The following SHQ1 variants were observed in gnomAD, a reference collection of about 807,000 sequenced individuals.
SHQ1 encodes the protein SHQ1, H/ACA ribonucleoprotein assembly factor.
SHQ1 carries 49 observed loss-of-function variants against 53.8 expected under a neutral mutation model. That is an observed-to-expected ratio of 0.91 (90% CI 0.72 to 1.16). SHQ1 has a LOEUF of 1.16. Among genes scored for constraint, SHQ1 ranks in the 50% most tolerant of loss-of-function variants. The pLI is 0.00. For missense variants in SHQ1, 738 were observed against 683.1 expected (o/e 1.08, Z -0.90); for synonymous variants, 243 against 251.0 (o/e 0.97, Z 0.30).
At chr3:72,845,468 G>A (rs1164807136) in intron 1 of SHQ1, among the ~76,000 whole-genome samples, 1 of 150,910 alleles carries the variant, frequency 6.6e-6, no homozygotes, top group Non-Finnish European at 1.5e-5. Flanking sequence ...CTGGGCAACA[G>A]AGTGAGATTC....
In SHQ1 at chr3:72,750,845, C is replaced by T. The variant is rs190897909; in HGVS notation, c.1182-9G>A. 1.7e-4 allele frequency: 248 copies of T among 1,496,418 alleles called. No homozygotes were observed. The African/African-American group carries it at 3.2e-3, about 20-fold the overall frequency. The allele number at this position is 1,496,418 out of a possible 1,614,324, so 92.7% of individuals were successfully genotyped here. A position where few individuals can be genotyped will look rare whatever the true frequency, so the allele number is the denominator to read the frequency against. The stretch of plus-strand genomic sequence containing the variant: ...CTGCCAACTTTTTGGATCTTGAAAA[C>T]ATTTTAAAAAGAAAGATTAGAATTA... On this transcript the variant is annotated splice_polypyrimidine_tract_variant and intron_variant, in intron 10 of 10. Coordinates refer to ENST00000325599, the MANE Select transcript of SHQ1 (RefSeq NM_018130.3).
rs372802136 is a variant in SHQ1 at position 72,767,885 on chromosome 3, C to T, written c.1182-17049G>A. Among the ~76,000 whole-genome samples, 13 of 152,266 alleles carry T rather than the reference C, an allele frequency of 8.5e-5. No homozygotes were observed. The East Asian group carries it at 2.3e-3, about 27-fold the overall frequency. On this transcript the variant is annotated intron_variant, in intron 10 of 10. Transcript: ENST00000325599. ...TCCTACAAGAACTGGATGCAAAAGC[C>T]TAATTATGGTTTGATTCAAACGATG...
intron 8 of SHQ1, chr3:72,814,415 G>A (rs114609039): frequency 6.6e-6 from 1 of 152,240 alleles, no homozygotes; most frequent in Non-Finnish European, 1.5e-5. Flanking sequence ...CTGATTCAGT[G>A]AGTGTGAGGT....
rs187880126 is a variant in SHQ1, at chr3:72,835,384, C to G, written c.487-2903G>C. Among the ~76,000 whole-genome samples, 68 of 151,672 alleles carry G rather than the reference C, an allele frequency of 4.5e-4. No homozygotes were observed. The East Asian group carries it at 0.01, about 23-fold the overall frequency. On this transcript the variant is annotated intron_variant, in intron 4 of 10. Coordinates refer to ENST00000325599, the MANE Select transcript of SHQ1 (RefSeq NM_018130.3). ...TGTCTCCCTCTTCCACTGCTGCTCC[C>G]TGTTACTCACTGGCAAACTTCCTAC... is the stretch of plus-strand genomic sequence containing the variant.
intron 6 of SHQ1, among the ~76,000 whole-genome samples, chr3:72,821,029 A>G (rs1166652584): frequency 6.6e-6 from 1 of 152,154 alleles, no homozygotes; most frequent in Admixed American, 6.5e-5. Context: ...CTGGGTCAAC[A>G]ATTAAATCAC....
At chr3:72,732,727 T>C in the SHQ1 span, among the ~76,000 whole-genome samples, 3 of 151,514 alleles carry the variant, frequency 2.0e-5, no homozygotes, top group Non-Finnish European at 2.9e-5. Context: ...CACTACATGA[T>C]GATAGACATA....
At chr3:72,788,679 CTG>C (rs1706334812) in intron 10 of SHQ1, among the ~76,000 whole-genome samples, 1 of 152,184 alleles carries the variant, frequency 6.6e-6, no homozygotes, top group Non-Finnish European at 1.5e-5. Flanking sequence ...CAGATTGTTA[CTG>C]TGTCTGTGTA....
At position 72,848,429 on chromosome 3, in the gene SHQ1, A is replaced by T. The variant is rs903321880; in HGVS notation, c.-89T>A. 3.2e-6 allele frequency: 5 copies of T among 1,553,502 alleles called. No homozygotes were observed. In the African/African-American group the frequency reaches 6.9e-5, roughly 21 times the overall value. ...AACTCTCCAACTCCCCACGCGCAGG[A>T]ACTCTCGGTGTGAGGGACGGAGCTT... is the stretch of plus-strand genomic sequence containing the variant. On this transcript the variant is annotated 5_prime_UTR_variant, in exon 1 of 11. Transcript: ENST00000325599.
the SHQ1 span, among the ~76,000 whole-genome samples, chr3:72,733,024 G>T: frequency 2.0e-5 from 3 of 151,602 alleles, no homozygotes; most frequent in African/African-American, 7.3e-5. Context: ...GATGGGTGGG[G>T]GTGCTGAGCA....
At chr3:72,834,863 T>TA (rs914253620) in intron 4 of SHQ1, among the ~76,000 whole-genome samples, 16 of 152,172 alleles carry the variant, frequency 1.1e-4, no homozygotes, top group African/African-American at 2.9e-4. Context: ...CACTAGGTAT[T>TA]AGTTTCCTCT....
chr3:72,799,817 AATGTACAACCCTCAATTCAACTC>A (rs1444600598), intron 9 of SHQ1, among the ~76,000 whole-genome samples: 29 of 152,256 alleles, frequency 1.9e-4, no homozygotes, highest in African/African-American at 4.1e-4. Flanking sequence ...CTTTGCCTGG[AATGTACAACCCTCAATTCAACTC>A]ATGTACAACC....
At chr3:72,788,709 G>A (rs1039543950) in intron 10 of SHQ1, among the ~76,000 whole-genome samples, 5 of 152,196 alleles carry the variant, frequency 3.3e-5, no homozygotes, top group Non-Finnish European at 7.4e-5. Flanking sequence ...GTAGACATAG[G>A]AGACTCCATT....
chr3:72,829,844 G>T (rs922104591), intron 5 of SHQ1, among the ~76,000 whole-genome samples: 1 of 152,096 alleles, frequency 6.6e-6, no homozygotes, highest in African/African-American at 2.4e-5. Flanking sequence ...TTTATGAACT[G>T]GTTAATGTAA....
chr3:72,742,489 T>C, the SHQ1 span, among the ~76,000 whole-genome samples: 1 of 152,170 alleles, frequency 6.6e-6, no homozygotes, highest in Non-Finnish European at 1.5e-5. Context: ...TAAATTTATG[T>C]AGTATATGAT....
At chr3:72,800,976 T>G (rs1168294718) in intron 9 of SHQ1, among the ~76,000 whole-genome samples, 2 of 152,242 alleles carry the variant, frequency 1.3e-5, no homozygotes, top group Non-Finnish European at 2.9e-5. Flanking sequence ...AAGGACAGCC[T>G]TGACATTAAC....
chr3:72,810,337 T>G (rs985211755), intron 9 of SHQ1, among the ~76,000 whole-genome samples: 6 of 152,180 alleles, frequency 3.9e-5, no homozygotes, highest in Admixed American at 2.0e-4. Flanking sequence ...AATGCAAACC[T>G]GAAAAGAGCC....
At chr3:72,760,507 C>T (rs1243356380) in intron 10 of SHQ1, among the ~76,000 whole-genome samples, 1 of 152,094 alleles carries the variant, frequency 6.6e-6, no homozygotes, top group Non-Finnish European at 1.5e-5. Flanking sequence ...CCAATTCTTC[C>T]ACTTTATAAA....
At chr3:72,791,459 G>A (rs1406678754) in intron 10 of SHQ1, among the ~76,000 whole-genome samples, 2 of 152,070 alleles carry the variant, frequency 1.3e-5, no homozygotes, top group Admixed American at 6.6e-5. Flanking sequence ...CTGTACAACA[G>A]GTATAGCCTC....
At chr3:72,732,782 G>A in the SHQ1 span, among the ~76,000 whole-genome samples, 1 of 151,350 alleles carries the variant, frequency 6.6e-6, no homozygotes, top group African/African-American at 2.4e-5. Context: ...AACAAGCCTC[G>A]AGCTAGGATG....
Sources: allele counts gnomAD v4.1 joint callset (sites outside exome capture counted in the v4.1 genomes callset), GRCh38; gene constraint gnomAD v4.1.1; transcripts MANE v1.5; gene names NCBI Gene and HGNC (gene_info 2026-07-23, HGNC 2026-07-21).